Variants in CALD1 observed in about 807,000 individuals in gnomAD.
CALD1 encodes the protein caldesmon 1.
A neutral mutation model predicts 99.9 loss-of-function variants in CALD1; 33 were observed. The ratio of observed to expected loss-of-function variants is 0.33; its 90% CI spans 0.25 to 0.44. CALD1 has a LOEUF of 0.44. Among genes scored for constraint, CALD1 ranks in the 20% least tolerant of loss-of-function variants. The probability of loss-of-function intolerance (pLI) is 1.00; values close to 1 mark genes in which losing one functional copy is unlikely to be tolerated. For synonymous variants in CALD1, 310 were observed against 325.0 expected (o/e 0.95, Z 0.50); for missense variants, 861 against 962.1 (o/e 0.89, Z 1.39).
intron 1 of CALD1, among the ~76,000 whole-genome samples, chr7:134,838,629 G>A (rs1799535343): frequency 6.6e-6 from 1 of 152,214 alleles, no homozygotes; most frequent in Admixed American, 6.5e-5. Flanking sequence ...AGTTCACTAA[G>A]TCATTGGCAA....
In CALD1 at chr7:134,950,497, A is replaced by G. The variant is rs1464854876; in HGVS notation, c.1918A>G (p.Lys640Glu). Residue 640 changes from lysine (K) to glutamate (E), a missense_variant, in exon 9 of 15, where the codon AAA becomes GAA. Physicochemically the swap from Lys to Glu is moderately conservative, Grantham distance 56 (BLOSUM62 1). Transcript: ENST00000361675. Reference sequence around the variant, plus strand: ...GAAACCATTCAAGTGTTTCACTCCTAAAGGTTCATCTCTCAAGGTATTTTT... The same window carrying G: ...GAAACCATTCAAGTGTTTCACTCCTGAAGGTTCATCTCTCAAGGTATTTTT... ...DKKPFKCFTP[K>E]GSSLKIEERA... 1 of 1,613,850 alleles carries G rather than the reference A, an allele frequency of 6.2e-7. No individual in the cohort carries two copies. The highest frequency in any genetic ancestry group is 8.5e-7 in the Non-Finnish European group (1 of 1,179,750).
intron 1 of CALD1, among the ~76,000 whole-genome samples, chr7:134,750,952 T>C (rs532389356): frequency 3.9e-5 from 6 of 152,328 alleles, no homozygotes; most frequent in African/African-American, 1.2e-4. Flanking sequence ...AGCCTATCAT[T>C]TGGGAATATG....
chr7:134,757,106 C>CT (rs34569036), intron 1 of CALD1, among the ~76,000 whole-genome samples: 60 of 150,516 alleles, frequency 4.0e-4, no homozygotes, highest in South Asian at 1.1e-3. Context: ...TTTTCTTGGG[C>CT]TTTTTTTTTA....
At chr7:134,784,148 T>C (rs113694578) in intron 1 of CALD1, among the ~76,000 whole-genome samples, 25 of 152,386 alleles carry the variant, frequency 1.6e-4, no homozygotes, top group African/African-American at 5.8e-4. Context: ...AAATGATGTA[T>C]AACTTGAAGA....
intron 3 of CALD1, among the ~76,000 whole-genome samples, chr7:134,884,002 T>A (rs1247333705): frequency 6.6e-6 from 1 of 151,960 alleles, no homozygotes. Context: ...CCTGGGAGGC[T>A]GAGGCAGGAG....
intron 3 of CALD1, among the ~76,000 whole-genome samples, chr7:134,907,888 G>A (rs889497961): frequency 3.3e-5 from 5 of 152,158 alleles, no homozygotes; most frequent in Non-Finnish European, 7.3e-5. Flanking sequence ...GTGAGGGAAG[G>A]GGAGTCAGGC....
At chr7:134,826,866 C>CCT (rs2132044247) in intron 1 of CALD1, among the ~76,000 whole-genome samples, 1 of 152,292 alleles carries the variant, frequency 6.6e-6, no homozygotes, top group South Asian at 2.1e-4. Context: ...CTCAGTCCAA[C>CCT]CTCTACCTGC....
intron 3 of CALD1, among the ~76,000 whole-genome samples, chr7:134,875,676 G>A (rs891265769): frequency 5.9e-5 from 9 of 152,194 alleles, no homozygotes; most frequent in African/African-American, 1.7e-4. Flanking sequence ...TTTCGTCACC[G>A]TGGGACAGAC....
intron 14 of CALD1, among the ~76,000 whole-genome samples, chr7:134,967,684 T>C (rs1808779227): frequency 6.6e-6 from 1 of 152,178 alleles, no homozygotes; most frequent in Admixed American, 6.5e-5. Context: ...ATACACACTG[T>C]AGATTTTTGG....
chr7:134,711,680 A>ATGTG, the CALD1 span, among the ~76,000 whole-genome samples: 53 of 109,568 alleles, frequency 4.8e-4, no homozygotes, highest in African/African-American at 1.5e-3. Flanking sequence ...ATATATATAT[A>ATGTG]TGTGTGTGTG....
At chr7:134,960,167 G>C in intron 12 of CALD1, 56 bp downstream of exon 12, 1 of 1,586,070 alleles carries the variant, frequency 6.3e-7, no homozygotes, top group South Asian at 1.1e-5. Flanking sequence ...TTTGCATGTC[G>C]ATTTTGATTT....
chr7:134,814,200 T>C (rs999499729), intron 1 of CALD1, among the ~76,000 whole-genome samples: 3 of 152,094 alleles, frequency 2.0e-5, no homozygotes, highest in Non-Finnish European at 2.9e-5. Context: ...ACAAAGGGTA[T>C]GGAAGCTGTC....
the CALD1 span, among the ~76,000 whole-genome samples, chr7:134,719,007 T>C: frequency 1.3e-5 from 2 of 152,200 alleles, no homozygotes; most frequent in African/African-American, 4.8e-5. Context: ...GTGTACACTA[T>C]AGAGTATTAT....
At chr7:134,924,868 C>T (rs549389213) in intron 3 of CALD1, among the ~76,000 whole-genome samples, 10 of 152,060 alleles carry the variant, frequency 6.6e-5, no homozygotes, top group Admixed American at 4.6e-4. Flanking sequence ...TGAGTTCTCA[C>T]GAGATCTGAT....
intron 3 of CALD1, among the ~76,000 whole-genome samples, chr7:134,890,214 C>T (rs71532820): frequency 1.8e-4 from 28 of 152,252 alleles, no homozygotes; most frequent in African/African-American, 4.6e-4. Context: ...CTATAAACTA[C>T]GACTCTGATG....
At chr7:134,779,244 G>A (rs1371308416), upstream of CALD1, among the ~76,000 whole-genome samples, 1 of 151,946 alleles carries the variant, frequency 6.6e-6, no homozygotes, top group Non-Finnish European at 1.5e-5. Flanking sequence ...TGCTGCATTT[G>A]TGTTCTACAA....
At chr7:134,715,730 A>T in the CALD1 span, among the ~76,000 whole-genome samples, 1 of 152,238 alleles carries the variant, frequency 6.6e-6, no homozygotes, top group African/African-American at 2.4e-5. Context: ...ACAATAAGAA[A>T]TGTATCAAGA....
At chr7:134,960,847 A>G (rs1808207951) in intron 13 of CALD1, 1 of 382,874 alleles carries the variant, frequency 2.6e-6, no homozygotes, top group Non-Finnish European at 4.7e-6. Flanking sequence ...TCACCTCTAC[A>G]CCCTAACTGA....
intron 3 of CALD1, among the ~76,000 whole-genome samples, chr7:134,922,742 T>G (rs946301780): frequency 6.6e-6 from 1 of 152,256 alleles, no homozygotes; most frequent in Non-Finnish European, 1.5e-5. Flanking sequence ...CTCATTGGTC[T>G]CCTCATTTGC....
Sources: allele counts gnomAD v4.1 joint callset (sites outside exome capture counted in the v4.1 genomes callset), GRCh38; gene constraint gnomAD v4.1.1; transcripts MANE v1.5; gene names NCBI Gene and HGNC (gene_info 2026-07-23, HGNC 2026-07-21).